The following SAMMSON variants were observed in gnomAD, a reference collection of about 807,000 sequenced individuals.
SAMMSON encodes the protein survival associated mitochondrial melanoma specific oncogenic non-coding RNA, also known as long intergenic non-protein coding RNA 1212.
intron 9 of SAMMSON, among the ~76,000 whole-genome samples, chr3:70,377,236 T>A (rs985065451): frequency 1.3e-5 from 2 of 152,134 alleles, no homozygotes; most frequent in Non-Finnish European, 2.9e-5. Context: ...GGGAGATAGT[T>A]AATTTCTAGA....
chr3:70,303,147 CT>C (rs1245155450), intron 7 of SAMMSON, among the ~76,000 whole-genome samples: 3 of 152,254 alleles, frequency 2.0e-5, no homozygotes, highest in African/African-American at 7.2e-5. Context: ...AATATTATTC[CT>C]TGTGGAGAAG....
At chr3:70,373,631 C>A (rs1250924642) in intron 9 of SAMMSON, among the ~76,000 whole-genome samples, 1 of 152,248 alleles carries the variant, frequency 6.6e-6, no homozygotes, top group Middle Eastern at 3.4e-3. Context: ...CCAGTACATT[C>A]TTGAAGCTCT....
At chr3:70,278,464 A>T (rs1396301854) in intron 6 of SAMMSON, among the ~76,000 whole-genome samples, 2 of 152,200 alleles carry the variant, frequency 1.3e-5, no homozygotes, top group Non-Finnish European at 2.9e-5. Context: ...TTTTAGCTTT[A>T]GGTGGATACT....
intron 4 of SAMMSON, among the ~76,000 whole-genome samples, chr3:70,114,028 T>G (rs1386396796): frequency 2.0e-5 from 3 of 152,182 alleles, no homozygotes; most frequent in African/African-American, 7.2e-5. Context: ...TGGTATTTTG[T>G]TATAGGAGCC....
At chr3:70,261,755 G>T (rs1701868380) in intron 6 of SAMMSON, among the ~76,000 whole-genome samples, 1 of 152,158 alleles carries the variant, frequency 6.6e-6, no homozygotes, top group Non-Finnish European at 1.5e-5. Context: ...ATGTGCAGAG[G>T]AGGAAAGCCT....
intron 4 of SAMMSON, among the ~76,000 whole-genome samples, chr3:70,085,493 T>C (rs1280230554): frequency 6.6e-6 from 1 of 152,170 alleles, no homozygotes; most frequent in Non-Finnish European, 1.5e-5. Context: ...CTGGGGGTGC[T>C]CAGTGGGACT....
intron 6 of SAMMSON, among the ~76,000 whole-genome samples, chr3:70,288,782 C>G (rs1323123772): frequency 2.0e-5 from 3 of 151,784 alleles, no homozygotes; most frequent in African/African-American, 7.3e-5. Context: ...GTTAGCTCTT[C>G]TTGTTGAATT....
chr3:70,121,047 C>T (rs2067430845), intron 4 of SAMMSON, among the ~76,000 whole-genome samples: 1 of 152,196 alleles, frequency 6.6e-6, no homozygotes, highest in African/African-American at 2.4e-5. Flanking sequence ...TCATGAGAGA[C>T]AGTGACAGAT....
intron 4 of SAMMSON, among the ~76,000 whole-genome samples, chr3:70,243,458 A>G (rs1701679406): frequency 6.6e-6 from 1 of 152,106 alleles, no homozygotes; most frequent in South Asian, 2.1e-4. Flanking sequence ...AGTTGCTTAA[A>G]TCCTACTCAC....
At chr3:70,372,139 A>T (rs2106746437) in intron 9 of SAMMSON, among the ~76,000 whole-genome samples, 1 of 152,202 alleles carries the variant, frequency 6.6e-6, no homozygotes, top group East Asian at 1.9e-4. Context: ...TCAAGTTTTG[A>T]GAATCTCGTT....
At chr3:70,304,762 A>T (rs1356414827) in intron 7 of SAMMSON, among the ~76,000 whole-genome samples, 2 of 152,154 alleles carry the variant, frequency 1.3e-5, no homozygotes, top group Admixed American at 1.3e-4. Context: ...AAATGACTGC[A>T]TATGTTACCC....
intron 3 of SAMMSON, among the ~76,000 whole-genome samples, chr3:70,028,085 TTTCC>T (rs113880254): frequency 0.025 from 3,536 of 143,480 alleles, 124 homozygotes; most frequent in African/African-American, 0.088. Flanking sequence ...GCCTTCCTTC[TTTCC>T]TTCCTTCCTT....
intron 7 of SAMMSON, among the ~76,000 whole-genome samples, chr3:70,317,021 G>A (rs536122141): frequency 2.0e-5 from 3 of 152,076 alleles, no homozygotes; most frequent in South Asian, 2.1e-4. Flanking sequence ...TGGTTCCTCT[G>A]GGGGTTACAA....
At chr3:70,014,330 T>C (rs1246844806) in intron 3 of SAMMSON, 4 of 152,110 alleles carry the variant, frequency 2.6e-5, no homozygotes, top group Non-Finnish European at 5.9e-5. Flanking sequence ...GTCTAAAAGA[T>C]AAATAAAACT....
chr3:70,115,597 A>G (rs2106663443), intron 4 of SAMMSON, among the ~76,000 whole-genome samples: 1 of 152,262 alleles, frequency 6.6e-6, no homozygotes, highest in South Asian at 2.1e-4. Context: ...TGTCATTAAA[A>G]TCTTTGTCAT....
intron 4 of SAMMSON, among the ~76,000 whole-genome samples, chr3:70,124,407 C>T (rs552441508): frequency 2.0e-5 from 3 of 152,206 alleles, no homozygotes; most frequent in South Asian, 2.1e-4. Context: ...AAAGCTTGTT[C>T]GGTAATTAGG....
At chr3:70,047,833 T>A (rs1387688728) in intron 3 of SAMMSON, among the ~76,000 whole-genome samples, 1 of 152,036 alleles carries the variant, frequency 6.6e-6, no homozygotes, top group Admixed American at 6.6e-5. Flanking sequence ...GAATGTTGAG[T>A]CACCACATGG....
At chr3:70,026,802 A>T (rs6549264) in intron 3 of SAMMSON, among the ~76,000 whole-genome samples, 78,650 of 151,992 alleles carry the variant, frequency 0.52, 21,128 homozygotes, top group East Asian at 0.73. Context: ...TAATTGGACA[A>T]AATTGTGTGA....
At chr3:70,189,988 A>T (rs1050010734) in intron 4 of SAMMSON, among the ~76,000 whole-genome samples, 4 of 152,194 alleles carry the variant, frequency 2.6e-5, no homozygotes, top group African/African-American at 9.7e-5. Flanking sequence ...AATATTATAG[A>T]TTATATTTTA....
Sources: allele counts gnomAD v4.1 joint callset (sites outside exome capture counted in the v4.1 genomes callset), GRCh38; gene constraint gnomAD v4.1.1; transcripts MANE v1.5; gene names NCBI Gene and HGNC (gene_info 2026-07-23, HGNC 2026-07-21).